The following RAB11FIP3 variants were observed in gnomAD, a reference collection of about 807,000 sequenced individuals.
The protein encoded by RAB11FIP3 is RAB11 family interacting protein 3, also known as rab11 family-interacting protein 3.
In RAB11FIP3, 17 loss-of-function variants were observed where a neutral mutation model predicts 77.8. That is an observed-to-expected ratio of 0.22 (90% CI 0.15 to 0.33). The LOEUF (loss-of-function observed/expected upper bound fraction) is 0.33, where lower values mean the gene tolerates loss of function less well. Ranked by LOEUF, RAB11FIP3 falls within the 10% of genes least tolerant of loss-of-function variation. The pLI, the probability that RAB11FIP3 is intolerant of heterozygous loss-of-function variation, is 1.00. For missense variants in RAB11FIP3, 1,005 were observed against 1,011.2 expected, an observed-to-expected ratio of 0.99 and a Z score of 0.08; for synonymous variants, 437 against 448.2, an observed-to-expected ratio of 0.98 and a Z score of 0.31.
intron 3 of RAB11FIP3, among the ~76,000 whole-genome samples, chr16:476,818 T>C (rs978118478): frequency 1.5e-4 from 22 of 147,072 alleles, no homozygotes; most frequent in African/African-American, 5.3e-4. Flanking sequence ...AGGCTGGGCA[T>C]GGTGGCTCAG....
chr16:519,225 TAGATG>T, intron 10 of RAB11FIP3: 1 of 592,732 alleles, frequency 1.7e-6, no homozygotes, highest in Non-Finnish European at 3.0e-6. Context: ...GGCTCACTCC[TAGATG>T]GACCCAGGGC....
At position 505,677 on chromosome 16, in the gene RAB11FIP3, C is replaced by A; in HGVS notation, c.1499+50C>A. On this transcript the variant is annotated intron_variant, in intron 8 of 13. Transcript: ENST00000262305. This position sits in a 1 kb window ranked among gnomAD's most constrained non-coding sequence, Gnocchi z 4.0. ...GCCTCTGCGTGGCGCCTCCTGTGCCCGCCTGTCAGCCCCCATTTACTTCTC... is the reference window on the plus strand; with the variant it reads ...GCCTCTGCGTGGCGCCTCCTGTGCCAGCCTGTCAGCCCCCATTTACTTCTC... The A allele has an allele frequency of 7.0e-7, 1 of 1,429,544 alleles. No homozygotes were observed. The highest frequency in any genetic ancestry group is 9.5e-7 in the Non-Finnish European group (1 of 1,053,290). The allele number at this position is 1,429,544 out of a possible 1,614,324, so 88.6% of individuals were successfully genotyped here. A position where few individuals can be genotyped will look rare whatever the true frequency, so the allele number is the denominator to read the frequency against.
chr16:505,510 G>T lies in RAB11FIP3; in HGVS notation c.1396-14G>T, dbSNP rs1596291957. The T allele has an allele frequency of 1.2e-6, 2 of 1,602,724 alleles. No homozygotes were observed. The highest frequency in any genetic ancestry group is 1.7e-6 in the Non-Finnish European group (2 of 1,176,396). ...TCTGGCTGCCTGACCCTGAAGCCTG[G>T]TCTCATTGCCAAGGTTGTCTTCCTG... On this transcript the variant is annotated splice_polypyrimidine_tract_variant and intron_variant, in intron 7 of 13. Coordinates refer to ENST00000262305, the MANE Select transcript of RAB11FIP3 (RefSeq NM_014700.4). This position sits in a 1 kb window ranked among gnomAD's most constrained non-coding sequence, Gnocchi z 4.0.
At chr16:480,602 C>T (rs541389218) in intron 3 of RAB11FIP3, among the ~76,000 whole-genome samples, 7 of 152,164 alleles carry the variant, frequency 4.6e-5, no homozygotes, top group Non-Finnish European at 7.4e-5. Flanking sequence ...CGGGTTCAAG[C>T]GATTCTTCTG....
intron 1 of RAB11FIP3, among the ~76,000 whole-genome samples, chr16:445,015 G>A (rs550443104): frequency 6.6e-6 from 1 of 150,516 alleles, no homozygotes; most frequent in East Asian, 2.0e-4. Flanking sequence ...TCGGGAGGCT[G>A]AGGCAGGAGA....
At chr16:494,125 G>A (rs557690455) in intron 5 of RAB11FIP3, among the ~76,000 whole-genome samples, 8 of 125,468 alleles carry the variant, frequency 6.4e-5, no homozygotes, top group African/African-American at 2.3e-4. Context: ...TCCGGACCTC[G>A]TGATCCGCCC....
chr16:428,474 C>T (rs2054987265), intron 1 of RAB11FIP3, among the ~76,000 whole-genome samples: 2 of 152,258 alleles, frequency 1.3e-5, no homozygotes, highest in South Asian at 2.1e-4. Context: ...GAGAGTACCA[C>T]ATTTGCTCCT....
chr16:426,505 C>A lies in RAB11FIP3; in HGVS notation c.499C>A (p.Pro167Thr), dbSNP rs1393561441. 4 of 1,576,290 alleles carry A rather than the reference C, an allele frequency of 2.5e-6. No homozygotes were observed. In the South Asian group the frequency reaches 4.6e-5, roughly 18 times the overall value. Residue 167 changes from proline (P) to threonine (T), a missense_variant, in exon 1 of 14, where the codon CCC becomes ACC. Transcript: ENST00000262305. This position sits in a 1 kb window ranked among gnomAD's most constrained non-coding sequence, Gnocchi z 5.0. ...CGACGTCTTCTCTCCCTTCCCCGCG[C>A]CCACGGCGGGCGAGCTGGCGCTGGA... is the stretch of plus-strand genomic sequence containing the variant. ...EVDVFSPFPA[P>T]TAGELALEQG... is the part of the protein sequence containing the mutation.
intron 1 of RAB11FIP3, among the ~76,000 whole-genome samples, chr16:450,853 C>T (rs972828735): frequency 7.1e-6 from 1 of 139,954 alleles, no homozygotes; most frequent in Non-Finnish European, 1.6e-5. Context: ...CCCACCCCAC[C>T]CCACCCTTAG....
At chr16:476,359 C>T (rs1189560960) in intron 3 of RAB11FIP3, among the ~76,000 whole-genome samples, 4 of 152,156 alleles carry the variant, frequency 2.6e-5, no homozygotes, top group Non-Finnish European at 5.9e-5. Flanking sequence ...GGCTCTAAGG[C>T]GGCACTGGCT....
At chr16:436,671 G>A (rs1596188276) in intron 1 of RAB11FIP3, among the ~76,000 whole-genome samples, 1 of 152,030 alleles carries the variant, frequency 6.6e-6, no homozygotes, top group Non-Finnish European at 1.5e-5. Flanking sequence ...TTGTAGAGGC[G>A]AGGTTTTGCC....
rs183661222 is a variant in RAB11FIP3 at position 465,699 on chromosome 16, T to C, written c.808+4202T>C. Among the ~76,000 whole-genome samples, 949 of 150,716 alleles carry C rather than the reference T, an allele frequency of 6.3e-3. 6 individuals carry two copies. Among genetic ancestry groups the C allele is most frequent in the Non-Finnish European group, 0.01 (707 of 67,512 alleles). ...ATCTCGGCTCACTGCAACTTGCGTC[T>C]CCCAGGTTCAAGCGATTCTCCTGCC... is the stretch of plus-strand genomic sequence containing the variant. On this transcript the variant is annotated intron_variant, in intron 2 of 13. Transcript: ENST00000262305.
chr16:445,337 G>T (rs2055296707), intron 1 of RAB11FIP3, among the ~76,000 whole-genome samples: 2 of 151,188 alleles, frequency 1.3e-5, no homozygotes, highest in South Asian at 4.1e-4. Flanking sequence ...TACTTGGGAG[G>T]CTGAGGCACG....
intron 6 of RAB11FIP3, among the ~76,000 whole-genome samples, chr16:498,074 A>T (rs185550946): frequency 4.6e-5 from 7 of 151,624 alleles, no homozygotes; most frequent in Admixed American, 4.6e-4. Flanking sequence ...ACAGCCCCAG[A>T]CTCCCTGGGC....
intron 2 of RAB11FIP3, among the ~76,000 whole-genome samples, chr16:463,754 C>T (rs932833606): frequency 6.6e-6 from 1 of 152,150 alleles, no homozygotes; most frequent in Non-Finnish European, 1.5e-5. Context: ...CCATTTGTTA[C>T]TCTTTATTTG....
rs2056097230 is a variant in RAB11FIP3 at position 483,885 on chromosome 16, A to G, written c.1115+1149A>G. On this transcript the variant is annotated intron_variant, in intron 4 of 13. Transcript: ENST00000262305. ...TCAGAAGATCTTCGCATCTGCTTTG[A>G]CCTGGAAGCCCGCCCGTCCCCCGCT... Among the ~76,000 whole-genome samples, 2 of 151,918 alleles carry G rather than the reference A, an allele frequency of 1.3e-5. 1 individual carries two copies. The highest frequency in any genetic ancestry group is 2.9e-5 in the Non-Finnish European group (2 of 67,982).
At chr16:494,726 C>T (rs568725229) in intron 5 of RAB11FIP3, among the ~76,000 whole-genome samples, 7 of 151,648 alleles carry the variant, frequency 4.6e-5, no homozygotes, top group Non-Finnish European at 8.8e-5. Context: ...AAAGAATGGG[C>T]TGAGTGTGGG....
intron 1 of RAB11FIP3, among the ~76,000 whole-genome samples, chr16:460,949 A>G (rs933318899): frequency 6.6e-6 from 1 of 152,136 alleles, no homozygotes; most frequent in African/African-American, 2.4e-5. Flanking sequence ...AGAGGCTGTC[A>G]CTGTCAGCAC....
At position 484,979 on chromosome 16, in the gene RAB11FIP3, G is replaced by C. The variant is rs543632959; in HGVS notation, c.1115+2243G>C. 5.3e-5 allele frequency among the ~76,000 whole-genome samples: 8 copies of C among 152,178 alleles called. No individual in the cohort carries two copies. The East Asian group carries it at 1.2e-3, about 22-fold the overall frequency. On this transcript the variant is annotated intron_variant, in intron 4 of 13. Transcript: ENST00000262305. The stretch of plus-strand genomic sequence containing the variant: ...ATGTCTGCTCTCCTGCTCACCTTGT[G>C]GGGGGCATGCAGAGACCCTGCCACA...
Sources: gnomAD v4.1 joint callset for allele counts (sites outside exome capture counted in the v4.1 genomes callset) on GRCh38, gnomAD v4.1.1 for gene constraint, Gnocchi (gnomAD v3.1) non-coding constraint, MANE v1.5 for transcripts, NCBI Gene and HGNC (gene_info 2026-07-23, HGNC 2026-07-21) for gene names.